Variants in SDHAF3 observed in about 807,000 individuals in gnomAD.
SDHAF3 encodes succinate dehydrogenase assembly factor 3, mitochondrial.
A neutral mutation model predicts 11.5 loss-of-function variants in SDHAF3; 18 were observed. The observed-to-expected ratio is 1.56, with a 90% CI of 1.08 to 2.32. SDHAF3 has a LOEUF of 2.32. Ranked by LOEUF, SDHAF3 falls within the 30% of genes most tolerant of loss-of-function variation. The pLI, the probability that SDHAF3 is intolerant of heterozygous loss-of-function variation, is 0.00. For synonymous variants in SDHAF3, 72 were observed against 59.3 expected (o/e 1.21, Z -0.99); for missense variants, 200 against 154.4 (o/e 1.30, Z -1.57).
intron 1 of SDHAF3, among the ~76,000 whole-genome samples, chr7:97,138,788 G>A (rs1788973178): frequency 6.6e-6 from 1 of 152,232 alleles, no homozygotes; most frequent in African/African-American, 2.4e-5. Context: ...CTTTAATGTT[G>A]ACACAGTATT....
At chr7:97,160,300 A>G (rs1392971053) in intron 1 of SDHAF3, among the ~76,000 whole-genome samples, 50 of 117,516 alleles carry the variant, frequency 4.3e-4, no homozygotes, top group Non-Finnish European at 6.2e-4. Context: ...CGGCCACCCC[A>G]TCTGGGAAGT....
In SDHAF3 at chr7:97,179,478, T is replaced by TTG. The variant is rs766107517; in HGVS notation, c.175-1533_175-1532insGT. On this transcript the variant is annotated intron_variant, in intron 1 of 1. Transcript: ENST00000432641. ...TATTGAAGTACAATTATTTCCATTTTTTTTTTTTTTTTTGCTTTAACAATC... is the reference window on the plus strand; with the variant it reads ...TATTGAAGTACAATTATTTCCATTTTTGTTTTTTTTTTTTTGCTTTAACAATC... Among the ~76,000 whole-genome samples the TTG allele has an allele frequency of 1.1e-3, 157 of 143,666 alleles. 1 individual carries two copies. Among genetic ancestry groups the TTG allele is most frequent in the East Asian group, 6.7e-3 (34 of 5,060 alleles). The allele number at this position is 143,666 out of a possible 152,430, so 94.3% of individuals were successfully genotyped here. A position where few individuals can be genotyped will look rare whatever the true frequency, so the allele number is the denominator to read the frequency against.
Position 97,181,111 on chromosome 7 carries a change from G to T in SDHAF3, c.274G>T (p.Asp92Tyr). The T allele has an allele frequency of 6.2e-7, 1 of 1,614,008 alleles. No individual in the cohort carries two copies. The highest frequency in any genetic ancestry group is 1.1e-5 in the South Asian group (1 of 91,052). ...GTFLPEEKLN[D>Y]FRDEQIGQLQ... ...CTTCCTCCCAGAAGAAAAACTTAAT[G>T]ACTTTCGTGATGAACAAATTGGACA... The change falls in exon 2 of 2, where the codon GAC (aspartate) becomes TAC (tyrosine). Residue 92 changes from aspartate (D) to tyrosine (Y), a missense_variant. By Grantham distance (160) the Asp-to-Tyr change is radical. Transcript: ENST00000432641.
intron 1 of SDHAF3, among the ~76,000 whole-genome samples, chr7:97,140,026 A>G (rs762316468): frequency 4.6e-5 from 7 of 152,146 alleles, no homozygotes; most frequent in Non-Finnish European, 8.8e-5. Context: ...CCTCTCTTTA[A>G]CGTGACATTA....
rs768535888 is a variant in SDHAF3, at chr7:97,117,737, A to G, written c.14A>G (p.His5Arg). Residue 5 changes from histidine (H) to arginine (R), a missense_variant, in exon 1 of 2, where the codon CAC becomes CGC. By Grantham distance (29) the His-to-Arg change is conservative (BLOSUM62 0). Coordinates refer to ENST00000432641, the MANE Select transcript of SDHAF3 (RefSeq NM_020186.3). MPGR[H>R]VSRVRALYKR... ...GCGTGGGGCGCTATGCCGGGGCGGCACGTTTCTCGAGTCCGGGCATTGTAC... is the reference window on the plus strand; with the variant it reads ...GCGTGGGGCGCTATGCCGGGGCGGCGCGTTTCTCGAGTCCGGGCATTGTAC... The G allele has an allele frequency of 8.7e-6, 14 of 1,613,070 alleles. No individual in the cohort carries two copies. Among genetic ancestry groups the G allele is most frequent in the Middle Eastern group, 1.6e-4 (1 of 6,074 alleles).
intron 1 of SDHAF3, among the ~76,000 whole-genome samples, chr7:97,170,924 C>G (rs918173616): frequency 3.3e-5 from 5 of 152,158 alleles, no homozygotes; most frequent in African/African-American, 9.7e-5. Flanking sequence ...AGCTATCAAT[C>G]ATCTTTGACT....
chr7:97,155,354 G>A lies in SDHAF3; in HGVS notation c.175-25658G>A, dbSNP rs2394610. ...ATCTTGGTTTGTGGCTTCTCTATTGGACAGTGTAGCTCTGGACTCCTGTGC... is the reference window on the plus strand; with the variant it reads ...ATCTTGGTTTGTGGCTTCTCTATTGAACAGTGTAGCTCTGGACTCCTGTGC... On this transcript the variant is annotated intron_variant, in intron 1 of 1. Transcript: ENST00000432641. 8.4e-3 allele frequency among the ~76,000 whole-genome samples: 1,283 copies of A among 152,162 alleles called. 65 individuals carry two copies. Among genetic ancestry groups the A allele is most frequent in the Admixed American group, 0.078 (1,185 of 15,286 alleles).
chr7:97,178,323 T>C (rs1045659033), intron 1 of SDHAF3, among the ~76,000 whole-genome samples: 12 of 152,228 alleles, frequency 7.9e-5, no homozygotes, highest in African/African-American at 2.9e-4. Context: ...ATTTTCCAAA[T>C]GTCGTCTATT....
intron 1 of SDHAF3, among the ~76,000 whole-genome samples, chr7:97,130,845 T>A (rs1269301380): frequency 2.6e-5 from 4 of 152,204 alleles, no homozygotes; most frequent in African/African-American, 9.6e-5. Context: ...CAGGGGTTTT[T>A]ATGGGCTCAG....
intron 1 of SDHAF3, chr7:97,135,535 G>C (rs1428640807): frequency 1.9e-5 from 3 of 154,696 alleles, no homozygotes; most frequent in African/African-American, 7.3e-5. Flanking sequence ...TGGTTTCTTG[G>C]GGTCACCTTT....
intron 1 of SDHAF3, among the ~76,000 whole-genome samples, chr7:97,161,666 ATGAG>A (rs1789413503): frequency 6.6e-6 from 1 of 151,624 alleles, no homozygotes; most frequent in African/African-American, 2.4e-5. Flanking sequence ...TCTCCCACTT[ATGAG>A]TGAGAACATG....
At chr7:97,149,103 T>C (rs747094596) in intron 1 of SDHAF3, among the ~76,000 whole-genome samples, 5 of 152,032 alleles carry the variant, frequency 3.3e-5, no homozygotes, top group Admixed American at 2.0e-4. Context: ...CTATTTTTTT[T>C]CTATTTTTTT....
chr7:97,126,629 A>T (rs1276617713), intron 1 of SDHAF3, among the ~76,000 whole-genome samples: 1 of 152,042 alleles, frequency 6.6e-6, no homozygotes, highest in Non-Finnish European at 1.5e-5. Context: ...AGCCTCAGTA[A>T]TGGCAGATGC....
At chr7:97,127,969 C>G (rs902277906) in intron 1 of SDHAF3, among the ~76,000 whole-genome samples, 1 of 140,502 alleles carries the variant, frequency 7.1e-6, no homozygotes, top group African/African-American at 2.7e-5. Context: ...GGCACTGCGT[C>G]GGCTCACTGC....
intron 1 of SDHAF3, among the ~76,000 whole-genome samples, chr7:97,119,525 A>C (rs1262974669): frequency 6.6e-6 from 1 of 152,232 alleles, no homozygotes; most frequent in African/African-American, 2.4e-5. Context: ...AGTTCCCTAC[A>C]TCCTGTTTCC....
chr7:97,131,976 T>C (rs1462651920), intron 1 of SDHAF3, among the ~76,000 whole-genome samples: 1 of 152,218 alleles, frequency 6.6e-6, no homozygotes, highest in Non-Finnish European at 1.5e-5. Flanking sequence ...ATGGAAAAAC[T>C]GTAACATAAT....
chr7:97,149,281 G>A lies in SDHAF3; in HGVS notation c.174+31384G>A, dbSNP rs1333627801. ...ACATTTAGTCTGTGAGATTGGAGTA[G>A]TCTCCATGTTGCATGTTTATTATCA... On this transcript the variant is annotated intron_variant, in intron 1 of 1. Transcript: ENST00000432641. 5.9e-5 allele frequency among the ~76,000 whole-genome samples: 9 copies of A among 152,118 alleles called. No homozygotes were observed. The East Asian group carries it at 7.7e-4, about 13-fold the overall frequency.
rs146451534 is a variant in SDHAF3, at chr7:97,155,963, A to G, written c.175-25049A>G. 7.3e-4 allele frequency among the ~76,000 whole-genome samples: 111 copies of G among 152,262 alleles called. No individual in the cohort carries two copies. The East Asian group carries it at 0.021, about 29-fold the overall frequency. Reference sequence around the variant, plus strand: ...AAGTTTTAGGTTGTTTTTAGACTTAATTATATTGCCATTTTTTTAAAAAGT... The same window carrying G: ...AAGTTTTAGGTTGTTTTTAGACTTAGTTATATTGCCATTTTTTTAAAAAGT... On this transcript the variant is annotated intron_variant, in intron 1 of 1. Coordinates refer to ENST00000432641, the MANE Select transcript of SDHAF3 (RefSeq NM_020186.3).
At chr7:97,155,185 C>A (rs565938948) in intron 1 of SDHAF3, among the ~76,000 whole-genome samples, 1 of 152,078 alleles carries the variant, frequency 6.6e-6, no homozygotes, top group African/African-American at 2.4e-5. Context: ...TTGCATTAAA[C>A]GAGGTCAATT....
Sources: allele counts gnomAD v4.1 joint callset (sites outside exome capture counted in the v4.1 genomes callset), GRCh38; gene constraint gnomAD v4.1.1; transcripts MANE v1.5; gene names NCBI Gene and HGNC (gene_info 2026-07-23, HGNC 2026-07-21).